The following CHM variants were observed in gnomAD, a reference collection of about 807,000 sequenced individuals.
CHM encodes CHM Rab escort protein.
Under a neutral mutation model 49.0 loss-of-function variants are expected in CHM, and 10 were observed. That is an observed-to-expected ratio of 0.20 (90% CI 0.13 to 0.35). CHM has a LOEUF of 0.35. Among genes scored for constraint, CHM ranks in the 10% least tolerant of loss-of-function variants. CHM has a pLI of 1.00. For synonymous variants in CHM, 184 were observed against 167.5 expected (o/e 1.10, Z -0.76); for missense variants, 455 against 478.4 (o/e 0.95, Z 0.46).
rs1923394482 is a variant in CHM, at chrX:85,862,278, CCT to C, written c.*2350_*2351del. The C allele has an allele frequency of 8.9e-6, 1 of 112,219 alleles. No individual in the cohort carries two copies. The highest frequency in any genetic ancestry group is 1.9e-5 in the Non-Finnish European group (1 of 53,187). 9.2% of individuals were successfully genotyped at this position (112,219 alleles called of 1,213,427 possible). On this transcript the variant is annotated 3_prime_UTR_variant, in exon 15 of 15. Transcript: ENST00000357749. ...ATTTTTGTGGTTATTCTAGGCCTAC[CCT>C]GATTGTCTGTTTACATGAATGTGCA...
At chrX:85,948,090 T>G (rs1307051546) in intron 8 of CHM, among the ~76,000 whole-genome samples, 1 of 111,188 alleles carries the variant, frequency 9.0e-6, no homozygotes, top group Admixed American at 9.6e-5. Flanking sequence ...AAAAAAAAAA[T>G]GTGAAGTTTG....
intron 2 of CHM, among the ~76,000 whole-genome samples, chrX:86,016,936 C>T (rs1933328519): frequency 8.9e-6 from 1 of 112,462 alleles, no homozygotes; most frequent in African/African-American, 3.2e-5. Context: ...GGCGGAGCTG[C>T]CCAAGACCAT....
At chrX:85,918,159 G>A (rs1192915658) in intron 8 of CHM, among the ~76,000 whole-genome samples, 1 of 110,913 alleles carries the variant, frequency 9.0e-6, no homozygotes, top group African/African-American at 3.3e-5. Context: ...AGAGCTGCTA[G>A]AGAGAAGGGG....
intron 2 of CHM, among the ~76,000 whole-genome samples, chrX:85,991,509 C>G (rs1328186638): frequency 9.0e-6 from 1 of 111,265 alleles, no homozygotes; most frequent in Non-Finnish European, 1.9e-5. Context: ...CTAAATTAAC[C>G]TTTTCTAAAA....
At chrX:85,957,574 G>A (rs1025183365) in intron 7 of CHM, among the ~76,000 whole-genome samples, 4 of 111,062 alleles carry the variant, frequency 3.6e-5, no homozygotes, top group Non-Finnish European at 7.5e-5. Context: ...AATCTAGCAT[G>A]CCACTTCAGC....
intron 2 of CHM, among the ~76,000 whole-genome samples, chrX:86,007,959 TATG>T (rs2147760993): frequency 8.9e-6 from 1 of 112,177 alleles, no homozygotes; most frequent in Admixed American, 9.5e-5. Context: ...CATGCACACG[TATG>T]TTTATTGTGG....
At chrX:85,947,580 G>A (rs762258733) in intron 8 of CHM, among the ~76,000 whole-genome samples, 13 of 111,232 alleles carry the variant, frequency 1.2e-4, no homozygotes, top group Admixed American at 9.6e-4. Context: ...AGCCAATTAC[G>A]CCTCTTTTCA....
At chrX:86,032,376 G>A (rs530776453) in intron 1 of CHM, among the ~76,000 whole-genome samples, 2 of 111,079 alleles carry the variant, frequency 1.8e-5, no homozygotes, top group African/African-American at 6.6e-5. Flanking sequence ...GTACAAAACG[G>A]TATCAAACAC....
intron 5 of CHM, among the ~76,000 whole-genome samples, chrX:85,959,372 T>C (rs1432423533): frequency 9.9e-6 from 1 of 100,897 alleles, no homozygotes; most frequent in East Asian, 2.9e-4. Context: ...TTCATTACTT[T>C]CTAAAATATA....
At position 85,933,345 on chromosome X, in the gene CHM, C is replaced by G. The variant is rs189183714; in HGVS notation, c.1167-22007G>C. Among the ~76,000 whole-genome samples, 39 of 112,121 alleles carry G rather than the reference C, an allele frequency of 3.5e-4. No homozygotes were observed. In the Middle Eastern group the frequency reaches 0.023, roughly 67 times the overall value. On this transcript the variant is annotated intron_variant, in intron 8 of 14. Coordinates refer to ENST00000357749, the MANE Select transcript of CHM (RefSeq NM_000390.4). ...TGCTGATCATGTGCCAGATATTATT[C>G]TAAGAGCTTTGCAAATATCAATTTC...
intron 2 of CHM, among the ~76,000 whole-genome samples, chrX:85,985,268 G>A (rs1411548455): frequency 8.9e-6 from 1 of 112,326 alleles, no homozygotes; most frequent in Non-Finnish European, 1.9e-5. Context: ...AGTCCCCCAA[G>A]CCCAGCACAG....
intron 2 of CHM, among the ~76,000 whole-genome samples, chrX:86,002,443 G>A (rs1932760292): frequency 9.0e-6 from 1 of 111,730 alleles, no homozygotes; most frequent in Non-Finnish European, 1.9e-5. Context: ...TTCCAAGATG[G>A]CCGAATAGGA....
At chrX:85,948,862 T>C (rs1216075947) in intron 8 of CHM, among the ~76,000 whole-genome samples, 1 of 111,911 alleles carries the variant, frequency 8.9e-6, no homozygotes. Context: ...TTATATGGAA[T>C]TATAAAGCAT....
At chrX:85,946,429 T>TGC (rs111398528) in intron 8 of CHM, among the ~76,000 whole-genome samples, 18,915 of 111,036 alleles carry the variant, frequency 0.17, 1,541 homozygotes, top group Non-Finnish European at 0.25. Context: ...CTGCACAACA[T>TGC]GCTCCCCATA....
chrX:85,864,456 TTG>T lies in CHM; in HGVS notation c.*172_*173del, dbSNP rs1338535150. ...AGCAAGTCAATGTGCTTTATAAGTG[TTG>T]TGTGTTCTTGGAATGTCCTCTATAA... On this transcript the variant is annotated 3_prime_UTR_variant, in exon 15 of 15. Transcript: ENST00000357749. 2.1e-6 allele frequency: 1 copy of T among 467,246 alleles called. No homozygotes were observed. The allele number at this position is 467,246 out of a possible 1,213,427, so 38.5% of individuals were successfully genotyped here.
Position 85,930,877 on chromosome X carries a change from C to T in CHM, c.1167-19539G>A, listed in dbSNP as rs187225224. On this transcript the variant is annotated intron_variant, in intron 8 of 14. Transcript: ENST00000357749. ...ATAAATCATGTAAATATTAAAAAGGCAAAACATATTTGCAACACTGGAAGC... is the reference window on the plus strand; with the variant it reads ...ATAAATCATGTAAATATTAAAAAGGTAAAACATATTTGCAACACTGGAAGC... Among the ~76,000 whole-genome samples, 446 of 111,456 alleles carry T rather than the reference C, an allele frequency of 4.0e-3. 1 individual carries two copies. Among genetic ancestry groups the T allele is most frequent in the South Asian group, 0.01 (28 of 2,675 alleles).
intron 4 of CHM, among the ~76,000 whole-genome samples, chrX:85,973,026 C>T (rs1379199276): frequency 2.7e-5 from 3 of 110,734 alleles, no homozygotes; most frequent in Non-Finnish European, 5.7e-5. Context: ...ATAGGCCGGG[C>T]GCGGTGGCTC....
intron 2 of CHM, among the ~76,000 whole-genome samples, chrX:86,009,764 G>GT (rs775455987): frequency 9.0e-6 from 1 of 111,293 alleles, no homozygotes; most frequent in African/African-American, 3.3e-5. Flanking sequence ...TTTCATAGAG[G>GT]TAAGTGGTTG....
intron 1 of CHM, among the ~76,000 whole-genome samples, chrX:86,030,467 T>C (rs1933994785): frequency 9.0e-6 from 1 of 111,177 alleles, no homozygotes; most frequent in African/African-American, 3.3e-5. Flanking sequence ...TCCATAGATA[T>C]TTGCTGAAGA....
Sources: gnomAD v4.1 joint callset for allele counts (sites outside exome capture counted in the v4.1 genomes callset) on GRCh38, gnomAD v4.1.1 for gene constraint, MANE v1.5 for transcripts, NCBI Gene and HGNC (gene_info 2026-07-23, HGNC 2026-07-21) for gene names.